KAZN: variants seen among roughly 807,000 people sequenced by gnomAD.
KAZN encodes the protein kazrin.
In KAZN, 40 loss-of-function variants were observed where a neutral mutation model predicts 87.4. That is an observed-to-expected ratio of 0.46 (90% CI 0.36 to 0.60). The LOEUF is 0.60. Ranked by LOEUF, KAZN falls within the 20% of genes least tolerant of loss-of-function variation. KAZN has a pLI of 0.00. For synonymous variants in KAZN, 466 were observed against 458.3 expected, an observed-to-expected ratio of 1.02 and a Z score of -0.22; for missense variants, 898 against 1,073.9, an observed-to-expected ratio of 0.84 and a Z score of 2.29.
chr1:13,920,956 C>T (rs1035790753), intron 1 of KAZN, among the ~76,000 whole-genome samples: 2 of 152,214 alleles, frequency 1.3e-5, no homozygotes, highest in Admixed American at 1.3e-4. Flanking sequence ...AGATGTACAG[C>T]TCAGAGGAAT....
At chr1:14,300,625 A>AGGTTGAGCGACGTGAGTTGT (rs1654483706) in intron 2 of KAZN, among the ~76,000 whole-genome samples, 1 of 152,206 alleles carries the variant, frequency 6.6e-6, no homozygotes, top group African/African-American at 2.4e-5. Flanking sequence ...AAAGCGTGCA[A>AGGTTGAGCGACGTGAGTTGT]AAATGGAAAC....
chr1:14,914,620 C>T (rs977952193), intron 1 of KAZN, among the ~76,000 whole-genome samples: 5 of 152,186 alleles, frequency 3.3e-5, no homozygotes, highest in African/African-American at 2.4e-5. Context: ...AAGCAGTTCC[C>T]TAGCCTGCTC....
At chr1:13,894,349 C>A (rs767456325) in intron 1 of KAZN, among the ~76,000 whole-genome samples, 1 of 151,840 alleles carries the variant, frequency 6.6e-6, no homozygotes, top group Non-Finnish European at 1.5e-5. Context: ...GCATGGGCTG[C>A]GGGCCTTATA....
intron 2 of KAZN, among the ~76,000 whole-genome samples, chr1:14,458,997 AC>A (rs1403317067): frequency 6.6e-6 from 1 of 152,104 alleles, no homozygotes; most frequent in Non-Finnish European, 1.5e-5. Flanking sequence ...AGCTATGGCA[AC>A]CCTTGTTTCC....
Position 14,912,530 on chromosome 1 carries a change from G to A in KAZN, c.227-48154G>A, listed in dbSNP as rs149845813. ...CGAGTAGCTGAAATTACAGGTGCAC[G>A]CCACCATGCCCAGCTAATTTTCATA... is the stretch of plus-strand genomic sequence containing the variant. On this transcript the variant is annotated intron_variant, in intron 1 of 14. Coordinates refer to ENST00000376030, the MANE Select transcript of KAZN (RefSeq NM_201628.3). 9.2e-5 allele frequency among the ~76,000 whole-genome samples: 14 copies of A among 152,222 alleles called. No individual in the cohort carries two copies. In the East Asian group the frequency reaches 1.4e-3, roughly 15 times the overall value.
At chr1:14,963,281 C>G (rs1005272483) in intron 2 of KAZN, among the ~76,000 whole-genome samples, 7 of 152,212 alleles carry the variant, frequency 4.6e-5, no homozygotes, top group African/African-American at 1.7e-4. Context: ...GGTGCCAACA[C>G]TCTTCTAAGT....
chr1:14,513,956 C>G (rs1177594371), intron 2 of KAZN, among the ~76,000 whole-genome samples: 1 of 151,594 alleles, frequency 6.6e-6, no homozygotes, highest in South Asian at 2.1e-4. Flanking sequence ...TTTAAAGATA[C>G]TACATATTTA....
At chr1:14,937,030 C>T (rs1660539632) in intron 1 of KAZN, among the ~76,000 whole-genome samples, 1 of 152,196 alleles carries the variant, frequency 6.6e-6, no homozygotes, top group South Asian at 2.1e-4. Flanking sequence ...CATCCCTCCC[C>T]ATCCTGGGCC....
intron 1 of KAZN, among the ~76,000 whole-genome samples, chr1:14,926,234 C>A (rs1659156405): frequency 1.3e-5 from 2 of 152,204 alleles, no homozygotes; most frequent in African/African-American, 2.4e-5. Flanking sequence ...CTAAAGTGAT[C>A]TGAGGCTGAG....
At chr1:14,833,519 C>T (rs1299844474) in intron 1 of KAZN, among the ~76,000 whole-genome samples, 2 of 152,212 alleles carry the variant, frequency 1.3e-5, no homozygotes, top group Non-Finnish European at 2.9e-5. Context: ...GTGTGGAGCA[C>T]ACCCCTCAGA....
intron 10 of KAZN, among the ~76,000 whole-genome samples, chr1:15,098,678 G>C (rs1200440303): frequency 6.6e-6 from 1 of 152,260 alleles, no homozygotes; most frequent in Non-Finnish European, 1.5e-5. Context: ...GCCGGCCCTT[G>C]AGGGACTGGG....
chr1:14,726,959 T>C (rs1643411477), intron 1 of KAZN, among the ~76,000 whole-genome samples: 1 of 152,178 alleles, frequency 6.6e-6, no homozygotes, highest in Non-Finnish European at 1.5e-5. Flanking sequence ...CCCTCTGTGG[T>C]GATGCCAACA....
At chr1:14,499,800 G>T (rs917440907) in intron 2 of KAZN, among the ~76,000 whole-genome samples, 1 of 152,124 alleles carries the variant, frequency 6.6e-6, no homozygotes, top group Non-Finnish European at 1.5e-5. Flanking sequence ...TGTACTCCAG[G>T]TCTTGTCCTT....
intron 2 of KAZN, among the ~76,000 whole-genome samples, chr1:14,458,113 G>T (rs1196162410): frequency 6.6e-6 from 1 of 151,982 alleles, no homozygotes; most frequent in Admixed American, 6.6e-5. Context: ...GAGCCACCAC[G>T]CCCAGTTGAC....
chr1:14,146,517 CA>C (rs1645352711), intron 1 of KAZN, among the ~76,000 whole-genome samples: 1 of 63,590 alleles, frequency 1.6e-5, no homozygotes, highest in Admixed American at 2.6e-4. Flanking sequence ...GCCTGGGCAA[CA>C]AGAGTGAAAC....
chr1:14,367,336 A>G (rs1156780010), intron 2 of KAZN, among the ~76,000 whole-genome samples: 1 of 152,080 alleles, frequency 6.6e-6, no homozygotes, highest in Non-Finnish European at 1.5e-5. Flanking sequence ...CTCTTCTCTG[A>G]GGTCGCACTG....
At chr1:15,068,757 A>C (rs2100582160) in intron 8 of KAZN, among the ~76,000 whole-genome samples, 1 of 152,210 alleles carries the variant, frequency 6.6e-6, no homozygotes, top group Non-Finnish European at 1.5e-5. Flanking sequence ...GTTACCCCAA[A>C]GCCTGACATA....
chr1:14,214,256 C>G (rs567428567), intron 2 of KAZN, among the ~76,000 whole-genome samples: 1 of 127,804 alleles, frequency 7.8e-6, no homozygotes, highest in African/African-American at 2.9e-5. Context: ...GAGTGTACAT[C>G]GTTATCTGAC....
chr1:14,598,682 G>T, upstream of KAZN: 1 of 1,283,710 alleles, frequency 7.8e-7, no homozygotes, highest in Non-Finnish European at 9.8e-7. The surrounding 1 kb of genome is among the most constrained non-coding windows in gnomAD (Gnocchi z 4.2). Flanking sequence ...GGCGCGCGGT[G>T]TCCTTCTTGG....
Sources: gnomAD v4.1 joint callset for allele counts (sites outside exome capture counted in the v4.1 genomes callset) on GRCh38, gnomAD v4.1.1 for gene constraint, Gnocchi (gnomAD v3.1) non-coding constraint, MANE v1.5 for transcripts, NCBI Gene and HGNC (gene_info 2026-07-23, HGNC 2026-07-21) for gene names.